CSMD1: variants seen among roughly 807,000 people sequenced by gnomAD.
The protein encoded by CSMD1 is CUB and sushi domain-containing protein 1.
In CSMD1, 213 loss-of-function variants were observed where a neutral mutation model predicts 417.5. That is an observed-to-expected ratio of 0.51 (90% CI 0.46 to 0.57). The LOEUF (loss-of-function observed/expected upper bound fraction) is 0.57. Among genes scored for constraint, CSMD1 ranks in the 20% least tolerant of loss-of-function variants. CSMD1 has a pLI of 0.00. For synonymous variants in CSMD1, 2,862 were observed against 1,736.8 expected (o/e 1.65, Z -16.11); for missense variants, 6,923 against 4,529.7 (o/e 1.53, Z -15.17).
intron 57 of CSMD1, among the ~76,000 whole-genome samples, chr8:2,967,928 C>G (rs142669380): frequency 6.6e-6 from 1 of 152,074 alleles, no homozygotes; most frequent in African/African-American, 2.4e-5. Context: ...AAAGTGCACA[C>G]GCTGGTGCTT....
chr8:3,783,025 C>T (rs1036723809), intron 5 of CSMD1, among the ~76,000 whole-genome samples: 3 of 152,162 alleles, frequency 2.0e-5, no homozygotes, highest in Admixed American at 1.3e-4. Flanking sequence ...ATCGCAAGCA[C>T]GCGTTCATCT....
chr8:4,735,846 C>T (rs1810199998), intron 1 of CSMD1, among the ~76,000 whole-genome samples: 3 of 152,130 alleles, frequency 2.0e-5, no homozygotes, highest in Admixed American at 1.3e-4. Context: ...GAACTGAGGC[C>T]TTTCTGATTC....
At chr8:4,465,468 T>C (rs551092835) in intron 2 of CSMD1, among the ~76,000 whole-genome samples, 7 of 152,296 alleles carry the variant, frequency 4.6e-5, no homozygotes, top group East Asian at 3.9e-4. Flanking sequence ...TATTTTAAAA[T>C]ACCAAGATGG....
intron 3 of CSMD1, among the ~76,000 whole-genome samples, chr8:4,290,775 C>G (rs909071257): frequency 3.9e-5 from 6 of 152,144 alleles, no homozygotes; most frequent in African/African-American, 1.4e-4. Flanking sequence ...TTCTGTAAGT[C>G]TGATTTTTTG....
At chr8:3,260,428 C>A (rs770158449) in intron 26 of CSMD1, among the ~76,000 whole-genome samples, 1 of 151,934 alleles carries the variant, frequency 6.6e-6, no homozygotes, top group African/African-American at 2.4e-5. Flanking sequence ...ATCCTCCAGC[C>A]CCATCGGGGT....
chr8:3,008,029 T>C (rs984249099), intron 52 of CSMD1, among the ~76,000 whole-genome samples: 1 of 152,212 alleles, frequency 6.6e-6, no homozygotes, highest in Non-Finnish European at 1.5e-5. Context: ...GGGAGTTATT[T>C]TAACAATCTT....
At chr8:4,916,832 C>A (rs1340098438) in intron 1 of CSMD1, among the ~76,000 whole-genome samples, 1 of 152,192 alleles carries the variant, frequency 6.6e-6, no homozygotes, top group Non-Finnish European at 1.5e-5. Flanking sequence ...TCAACAGAAT[C>A]CCTGAGAATA....
chr8:3,541,933 G>C (rs1181555698), intron 10 of CSMD1, among the ~76,000 whole-genome samples: 1 of 152,028 alleles, frequency 6.6e-6, no homozygotes, highest in Non-Finnish European at 1.5e-5. Context: ...GTGGTGGCTT[G>C]TACACCCAGG....
rs768264857 is a variant in CSMD1 at position 4,964,501 on chromosome 8, C to CAAAAAAAAAAAAAAAAAAAAAAAAAAAAA, written c.85+29830_85+29831insTTTTTTTTTTTTTTTTTTTTTTTTTTTTT. Among the ~76,000 whole-genome samples the CAAAAAAAAAAAAAAAAAAAAAAAAAAAAA allele has an allele frequency of 2.5e-5, 2 of 81,044 alleles. 1 individual carries two copies. 53.2% of individuals were successfully genotyped at this position (81,044 alleles called of 152,430 possible). On this transcript the variant is annotated intron_variant, in intron 1 of 69. Coordinates refer to ENST00000635120, the MANE Select transcript of CSMD1 (RefSeq NM_033225.6). ...ATCACAACACAGCAAGACCCTGTCT[C>CAAAAAAAAAAAAAAAAAAAAAAAAAAAAA]CAAAAAAAAAAAAAAAAAAAAAAAG... is the stretch of plus-strand genomic sequence containing the variant.
chr8:4,654,204 T>C (rs1354708224), intron 1 of CSMD1, among the ~76,000 whole-genome samples: 5 of 152,112 alleles, frequency 3.3e-5, no homozygotes, highest in Non-Finnish European at 7.3e-5. Flanking sequence ...GTAGTCTGGA[T>C]CTAGTAATCT....
intron 7 of CSMD1, among the ~76,000 whole-genome samples, chr8:3,623,031 C>G (rs916729665): frequency 1.3e-5 from 2 of 152,096 alleles, no homozygotes; most frequent in Non-Finnish European, 2.9e-5. Flanking sequence ...AGTCAAAACC[C>G]TGTAGTTAAA....
chr8:4,490,342 G>C (rs944364932), intron 2 of CSMD1, among the ~76,000 whole-genome samples: 3 of 152,084 alleles, frequency 2.0e-5, no homozygotes, highest in African/African-American at 4.8e-5. Flanking sequence ...ATCCAGCCCA[G>C]ATATCTTGTA....
At chr8:4,475,810 A>T (rs1349075830) in intron 2 of CSMD1, among the ~76,000 whole-genome samples, 1 of 151,906 alleles carries the variant, frequency 6.6e-6, no homozygotes, top group Non-Finnish European at 1.5e-5. Flanking sequence ...ATGGGATTTC[A>T]TTATGTTGAC....
intron 2 of CSMD1, among the ~76,000 whole-genome samples, chr8:4,506,070 GC>G (rs1456634257): frequency 6.6e-6 from 1 of 152,062 alleles, no homozygotes; most frequent in Non-Finnish European, 1.5e-5. Flanking sequence ...GCAATCAAAA[GC>G]CATTCGAATA....
intron 1 of CSMD1, among the ~76,000 whole-genome samples, chr8:4,839,571 C>T (rs1046386441): frequency 1.3e-5 from 2 of 152,118 alleles, no homozygotes; most frequent in African/African-American, 4.8e-5. Flanking sequence ...GAACAACGAT[C>T]GGCCCAAGAG....
intron 5 of CSMD1, among the ~76,000 whole-genome samples, chr8:3,840,181 G>C (rs935999996): frequency 6.6e-6 from 1 of 151,896 alleles, no homozygotes; most frequent in East Asian, 1.9e-4. Flanking sequence ...GCTATCAAAG[G>C]GCCTTCATAA....
chr8:3,508,543 A>G (rs556791709), intron 10 of CSMD1, among the ~76,000 whole-genome samples: 1 of 152,244 alleles, frequency 6.6e-6, no homozygotes. Flanking sequence ...TTTTAAAGAA[A>G]TACTAAACAC....
intron 5 of CSMD1, among the ~76,000 whole-genome samples, chr8:3,771,566 C>T (rs927320770): frequency 6.6e-6 from 1 of 152,068 alleles, no homozygotes; most frequent in East Asian, 1.9e-4. Flanking sequence ...AAACACAGCC[C>T]TAGAGACCTG....
rs1370930797 is a variant in CSMD1, at chr8:3,989,050, T to C, written c.818+8853A>G. Reference sequence around the variant, plus strand: ...TATTTCAAAAAGTTTTTCTTTTTCATTGTAGGGCAGAAATCTGAACTCTCT... The same window carrying C: ...TATTTCAAAAAGTTTTTCTTTTTCACTGTAGGGCAGAAATCTGAACTCTCT... On this transcript the variant is annotated intron_variant, in intron 5 of 69. Transcript: ENST00000635120. 4.6e-5 allele frequency among the ~76,000 whole-genome samples: 7 copies of C among 152,348 alleles called. No individual in the cohort carries two copies. The East Asian group carries it at 1.4e-3, about 29-fold the overall frequency.
Sources: gnomAD v4.1 joint callset for allele counts (sites outside exome capture counted in the v4.1 genomes callset) on GRCh38, gnomAD v4.1.1 for gene constraint, MANE v1.5 for transcripts, NCBI Gene and HGNC (gene_info 2026-07-23, HGNC 2026-07-21) for gene names.